ELN: variants seen among roughly 807,000 people sequenced by gnomAD.
ELN encodes the protein elastin.
ELN carries 65 observed loss-of-function variants against 105.8 expected under a neutral mutation model. The observed-to-expected ratio is 0.61, with a 90% CI of 0.50 to 0.75. ELN has a LOEUF of 0.75. Ranked by LOEUF, ELN falls within the 30% of genes least tolerant of loss-of-function variation. ELN has a pLI of 0.00. For synonymous variants in ELN, 368 were observed against 389.2 expected (o/e 0.95, Z 0.64); for missense variants, 882 against 969.4 (o/e 0.91, Z 1.20).
rs781821519 is a variant in ELN at position 74,060,494 on chromosome 7, C to A, written c.1740C>A (p.Phe580Leu). The A allele has an allele frequency of 1.2e-6, 2 of 1,614,166 alleles. No homozygotes were observed. The highest frequency in any genetic ancestry group is 2.2e-5 in the South Asian group (2 of 91,088). Residue 580 changes from phenylalanine to leucine, a missense_variant, in exon 25 of 33, where the codon TTC becomes TTA. Physicochemically the swap from Phe to Leu is conservative, Grantham distance 22 (BLOSUM62 0). Transcript: ENST00000252034. ...GLGVGAGVPG[F>L]GAVPGALAAA... ...GAGTTGGTGCTGGTGTTCCTGGCTTCGGGGCAGGTGCAGATGAGGGAGTTA... is the reference window on the plus strand; with the variant it reads ...GAGTTGGTGCTGGTGTTCCTGGCTTAGGGGCAGGTGCAGATGAGGGAGTTA...
intron 18 of ELN, among the ~76,000 whole-genome samples, chr7:74,053,601 G>T (rs1794599377): frequency 6.6e-6 from 1 of 152,068 alleles, no homozygotes; most frequent in Non-Finnish European, 1.5e-5. Flanking sequence ...TAGCTGAGTA[G>T]GTGTTCAGTT....
Position 74,063,300 on chromosome 7 carries a change from G to A in ELN, c.1859-10G>A. On this transcript the variant is annotated splice_polypyrimidine_tract_variant and intron_variant, in intron 27 of 32. Transcript: ENST00000252034. This position sits in a 1 kb window ranked among gnomAD's most constrained non-coding sequence, Gnocchi z 4.1. ...CAGAGTGCCTCCCTGAACTCGGTCT[G>A]TGTTCCCAGGAGCCGGACCCGCCGC... The A allele has an allele frequency of 6.4e-7, 1 of 1,559,826 alleles. No individual in the cohort carries two copies. Among genetic ancestry groups the A allele is most frequent in the African/African-American group, 1.4e-5 (1 of 74,020 alleles).
intron 29 of ELN, among the ~76,000 whole-genome samples, chr7:74,065,390 G>C (rs2132638287): frequency 6.6e-6 from 1 of 151,956 alleles, no homozygotes; most frequent in East Asian, 1.9e-4. Context: ...CGAGGCAGGT[G>C]GATCACCTGA....
At chr7:74,059,258 G>T (rs1161835873) in intron 22 of ELN, among the ~76,000 whole-genome samples, 1 of 152,246 alleles carries the variant, frequency 6.6e-6, no homozygotes, top group African/African-American at 2.4e-5. Context: ...CTTGCCTACA[G>T]TTGCACAGCT....
intron 10 of ELN, among the ~76,000 whole-genome samples, chr7:74,045,588 A>T (rs1402458852): frequency 1.3e-5 from 2 of 151,920 alleles, no homozygotes; most frequent in African/African-American, 4.8e-5. Flanking sequence ...AAACATGATT[A>T]AAAAATTAGC....
At chr7:74,045,327 G>T in intron 10 of ELN, 34 bp downstream of exon 10, 1 of 1,612,296 alleles carries the variant, frequency 6.2e-7, no homozygotes. Flanking sequence ...GCTGATGGCA[G>T]GGACTCTCCA....
At chr7:74,060,636 A>G (rs782355099) in intron 25 of ELN, 135 bp downstream of exon 25, 4 of 1,557,034 alleles carry the variant, frequency 2.6e-6, no homozygotes, top group Non-Finnish European at 3.5e-6. Context: ...TCTCCTAAGC[A>G]TCTGGGGGTA....
chr7:74,046,360 ACAAAGTGGCACCCATCCC>A (rs1554672186), intron 11 of ELN, 143 bp downstream of exon 11: 1 of 1,200,452 alleles, frequency 8.3e-7, no homozygotes, highest in East Asian at 2.4e-5. Context: ...TGGCTGTAGC[ACAAAGTGGCACCCATCCC>A]AGGCCTGCTC....
intron 26 of ELN, among the ~76,000 whole-genome samples, chr7:74,062,563 T>A (rs1796934222): frequency 6.6e-6 from 1 of 152,138 alleles, no homozygotes; most frequent in South Asian, 2.1e-4. Context: ...TGTTTGTTTG[T>A]TTGTTTTGAC....
chr7:74,055,861 A>C (rs1414456342), intron 19 of ELN, among the ~76,000 whole-genome samples: 1 of 151,378 alleles, frequency 6.6e-6, no homozygotes, highest in Non-Finnish European at 1.5e-5. Flanking sequence ...ATCTCCGCTC[A>C]CTGCAAGCTC....
At chr7:74,045,445 A>G in intron 10 of ELN, 152 bp downstream of exon 10, 1 of 841,450 alleles carries the variant, frequency 1.2e-6, no homozygotes, top group South Asian at 1.5e-5. Flanking sequence ...GTGCTGAAAA[A>G]CCTCAGAGTG....
At chr7:74,065,570 C>A in intron 29 of ELN, 124 bp from the exon 30 acceptor site, 2 of 1,161,854 alleles carry the variant, frequency 1.7e-6, no homozygotes, top group Non-Finnish European at 2.5e-6. Flanking sequence ...GCCGGGATCG[C>A]GCCACTGCAC....
chr7:74,062,019 G>A (rs949052207), intron 26 of ELN, among the ~76,000 whole-genome samples: 82 of 152,248 alleles, frequency 5.4e-4, no homozygotes, highest in African/African-American at 1.6e-3. Flanking sequence ...CTCCCACCAC[G>A]AGCCAGCCCA....
chr7:74,036,098 G>A (rs1789876797), intron 2 of ELN, among the ~76,000 whole-genome samples: 1 of 151,972 alleles, frequency 6.6e-6, no homozygotes, highest in Non-Finnish European at 1.5e-5. Context: ...AGACCATCCT[G>A]GCTAACACGG....
At chr7:74,037,663 A>T in intron 3 of ELN, 44 bp from the exon 4 acceptor site, 1 of 1,602,772 alleles carries the variant, frequency 6.2e-7, no homozygotes, top group African/African-American at 1.3e-5. Flanking sequence ...TAGTAGATGG[A>T]TAAGCTGGGC....
intron 15 of ELN, among the ~76,000 whole-genome samples, chr7:74,050,790 T>A (rs1471550668): frequency 6.6e-6 from 1 of 152,162 alleles, no homozygotes; most frequent in Non-Finnish European, 1.5e-5. Flanking sequence ...GGCATTTTTT[T>A]CTACCTGAGG....
At chr7:74,046,275 G>C in intron 11 of ELN, 58 bp downstream of exon 11, 7 of 1,611,952 alleles carry the variant, frequency 4.3e-6, no homozygotes, top group Non-Finnish European at 5.9e-6. Context: ...CTCTGGCGTT[G>C]GGAGGGGTTG....
intron 19 of ELN, 149 bp from the exon 20 acceptor site, chr7:74,056,122 T>C (rs1164411767): frequency 2.0e-6 from 2 of 1,007,090 alleles, no homozygotes; most frequent in African/African-American, 1.6e-5. Flanking sequence ...GTGGAGGTGC[T>C]GGGGACCCAG....
At chr7:74,037,251 T>C (rs1280822070) in intron 3 of ELN, among the ~76,000 whole-genome samples, 1 of 151,746 alleles carries the variant, frequency 6.6e-6, no homozygotes, top group Non-Finnish European at 1.5e-5. Context: ...TGGAGTGCAG[T>C]GGCGCGATCT....
Sources: allele counts gnomAD v4.1 joint callset (sites outside exome capture counted in the v4.1 genomes callset), GRCh38; gene constraint gnomAD v4.1.1; non-coding constraint Gnocchi (gnomAD v3.1); transcripts MANE v1.5; gene names NCBI Gene and HGNC (gene_info 2026-07-23, HGNC 2026-07-21).